The following POMGNT1 variants were observed in gnomAD, a reference collection of about 807,000 sequenced individuals.
POMGNT1 encodes protein O-linked mannose N-acetylglucosaminyltransferase 1 (beta 1,2-).
In POMGNT1, 67 loss-of-function variants were observed where a neutral mutation model predicts 95.6. The ratio of observed to expected loss-of-function variants is 0.70; its 90% CI spans 0.58 to 0.86. The LOEUF is 0.86. Among genes scored for constraint, POMGNT1 ranks in the 40% least tolerant of loss-of-function variants. The pLI is 0.00. For synonymous variants in POMGNT1, 298 were observed against 317.9 expected, an observed-to-expected ratio of 0.94 and a Z score of 0.66; for missense variants, 719 against 855.2, an observed-to-expected ratio of 0.84 and a Z score of 1.99.
intron 6 of POMGNT1, 58 bp from the exon 7 acceptor site, chr1:46,195,019 C>T: frequency 1.3e-6 from 2 of 1,503,140 alleles, no homozygotes; most frequent in Non-Finnish European, 1.9e-6. Context: ...GACCTGGCCT[C>T]ACAGAGCACG....
At chr1:46,195,768 G>C in intron 6 of POMGNT1, 43 bp downstream of exon 6, 3 of 1,523,830 alleles carry the variant, frequency 2.0e-6, no homozygotes, top group Non-Finnish European at 2.7e-6. Flanking sequence ...AAGCAGGGTT[G>C]GAGCTAGGGA....
At position 46,196,891 on chromosome 1, in the gene POMGNT1, A is replaced by G. The variant is rs1320880955; in HGVS notation, c.236-42T>C. On this transcript the variant is annotated intron_variant, in intron 3 of 21. Coordinates refer to ENST00000371984, the MANE Select transcript of POMGNT1 (RefSeq NM_017739.4). The surrounding 1 kb of genome is among the most constrained non-coding windows in gnomAD (Gnocchi z 4.4). ...GTCATGGAGATAGTCTCCTCAGCAGAGTCTCACCGCTTAGGGTCTGCCTGC... is the reference window on the plus strand; with the variant it reads ...GTCATGGAGATAGTCTCCTCAGCAGGGTCTCACCGCTTAGGGTCTGCCTGC... 1.9e-6 allele frequency: 3 copies of G among 1,614,146 alleles called. No homozygotes were observed. Among genetic ancestry groups the G allele is most frequent in the Admixed American group, 1.7e-5 (1 of 60,024 alleles).
At position 46,197,766 on chromosome 1, in the gene POMGNT1, C is replaced by A; in HGVS notation, c.56G>T (p.Arg19Leu). The change falls in exon 2 of 22, where the codon CGG (arginine) becomes CTG (leucine). Residue 19 changes from arginine (R) to leucine (L), a missense_variant. Physicochemically the swap from Arg to Leu is moderately radical, Grantham distance 102. Coordinates refer to ENST00000371984, the MANE Select transcript of POMGNT1 (RefSeq NM_017739.4). Reference sequence around the variant, plus strand: ...ATACTTCCAGGTAAGGTACCAGCTCCGCTTCTTCCGAGCCCCAAAGGGCTT... The same window carrying A: ...ATACTTCCAGGTAAGGTACCAGCTCAGCTTCTTCCGAGCCCCAAAGGGCTT... Reference protein sequence around the residue: ...LIKPFGARKKRSWYLTWKYKL... With the variant: ...LIKPFGARKKLSWYLTWKYKL... 6.2e-7 allele frequency: 1 copy of A among 1,614,136 alleles called. No individual in the cohort carries two copies. Among genetic ancestry groups the A allele is most frequent in the African/African-American group, 1.3e-5 (1 of 75,030 alleles).
chr1:46,193,738 G>C, intron 10 of POMGNT1, 99 bp from the exon 11 acceptor site: 1 of 1,599,892 alleles, frequency 6.3e-7, no homozygotes, highest in Non-Finnish European at 8.5e-7. Flanking sequence ...CTTACCCACA[G>C]AGGTGAATGC....
chr1:46,207,928 C>T (rs1209226403), intron 1 of POMGNT1, among the ~76,000 whole-genome samples: 3 of 149,862 alleles, frequency 2.0e-5, no homozygotes, highest in Non-Finnish European at 4.4e-5. Context: ...AGTGCAATGG[C>T]GTGATCTCGG....
Position 46,189,885 on chromosome 1 carries a change from T to A in POMGNT1, c.1754A>T (p.Asp585Val), listed in dbSNP as rs1410679493. The A allele has an allele frequency of 6.2e-7, 1 of 1,613,968 alleles. No individual in the cohort carries two copies. The highest frequency in any genetic ancestry group is 1.7e-5 in the Admixed American group (1 of 60,014). Residue 585 changes from aspartate to valine, a missense_variant, in exon 20 of 22, where the codon GAT becomes GTT. By Grantham distance (152) the Asp-to-Val change is radical. Around this residue, in one of 5 missense-constraint regions of POMGNT1, gnomAD observed 130 missense variants for 149.2 expected, o/e 0.87. Coordinates refer to ENST00000371984, the MANE Select transcript of POMGNT1 (RefSeq NM_017739.4). Reference sequence around the variant, plus strand: ...AAGCTGGGTCCAGGTGGTGAAGTCATCATCTTTCTCCATTCGAATAAAGGC... The same window carrying A: ...AAGCTGGGTCCAGGTGGTGAAGTCAACATCTTTCTCCATTCGAATAAAGGC... ...YVAFIRMEKD[D>V]DFTTWTQLAK... is the part of the protein sequence containing the mutation.
At chr1:46,219,565 C>T in intron 1 of POMGNT1, 3 of 939,590 alleles carry the variant, frequency 3.2e-6, no homozygotes, top group Non-Finnish European at 4.7e-6. Context: ...CTGAAGCCTA[C>T]ACTGCAAGCC....
chr1:46,193,241 C>G (rs1314809697), intron 12 of POMGNT1, 26 bp from the exon 13 acceptor site: 3 of 1,614,136 alleles, frequency 1.9e-6, no homozygotes, highest in Non-Finnish European at 2.5e-6. Context: ...GAATAGGGCA[C>G]ATGAGCTTTA....
At chr1:46,212,681 A>G (rs1571688211) in intron 1 of POMGNT1, among the ~76,000 whole-genome samples, 1 of 152,172 alleles carries the variant, frequency 6.6e-6, no homozygotes. Flanking sequence ...GGTTCAAGTG[A>G]TTCTCCTGCC....
At chr1:46,210,264 CTGTGTG>C (rs558204802) in intron 1 of POMGNT1, among the ~76,000 whole-genome samples, 1 of 152,006 alleles carries the variant, frequency 6.6e-6, no homozygotes, top group Non-Finnish European at 1.5e-5. Flanking sequence ...AAACCCTAAA[CTGTGTG>C]TGTGTGTTTT....
At chr1:46,198,874 T>TC (rs1354848015), upstream of POMGNT1, among the ~76,000 whole-genome samples, 1 of 152,202 alleles carries the variant, frequency 6.6e-6, no homozygotes, top group Non-Finnish European at 1.5e-5. Context: ...CTGTCACTGT[T>TC]CTAAGCACCT....
chr1:46,214,561 AAG>A (rs1340133546), intron 1 of POMGNT1, among the ~76,000 whole-genome samples: 1 of 152,090 alleles, frequency 6.6e-6, no homozygotes, highest in Non-Finnish European at 1.5e-5. Flanking sequence ...GAAAAGAAAA[AAG>A]AAAAACCAAA....
intron 1 of POMGNT1, among the ~76,000 whole-genome samples, chr1:46,216,661 G>A (rs1177002183): frequency 1.3e-5 from 2 of 152,012 alleles, no homozygotes; most frequent in Admixed American, 6.6e-5. Context: ...TTTTAGATTC[G>A]GAGGGGGGTA....
upstream of POMGNT1, chr1:46,203,226 A>G (rs1658601812): frequency 7.7e-6 from 3 of 391,758 alleles, no homozygotes; most frequent in Non-Finnish European, 4.5e-6. Flanking sequence ...CCAGGGCCAG[A>G]GGTTGTGTGC....
Position 46,193,422 on chromosome 1 carries a change from T to C in POMGNT1, c.1027-34A>G, listed in dbSNP as rs756739436. 1.9e-6 allele frequency: 3 copies of C among 1,606,322 alleles called. No individual in the cohort carries two copies. In the East Asian group the frequency reaches 6.7e-5, roughly 36 times the overall value. ...CATGGCCACTGCTCACCATGTGAGG[T>C]CACTTTCCCTCTGCCCACCTCTGCA... is the stretch of plus-strand genomic sequence containing the variant. On this transcript the variant is annotated intron_variant, in intron 11 of 21. Transcript: ENST00000371984.
intron 1 of POMGNT1, among the ~76,000 whole-genome samples, chr1:46,214,547 C>T (rs181954601): frequency 8.4e-4 from 128 of 151,972 alleles, no homozygotes; most frequent in African/African-American, 2.8e-3. Flanking sequence ...CACATCATGG[C>T]GGGGAAAAGA....
Position 46,195,597 on chromosome 1 carries a change from T to C in POMGNT1, c.534+214A>G, listed in dbSNP as rs1571665937. The C allele has an allele frequency of 3.0e-5, 19 of 626,088 alleles. No homozygotes were observed. The East Asian group carries it at 5.4e-4, about 18-fold the overall frequency. The allele number at this position is 626,088 out of a possible 1,614,324, so 38.8% of individuals were successfully genotyped here. The stretch of plus-strand genomic sequence containing the variant: ...GGTGGGGACTCTGTCTTGTTTCCCA[T>C]TGTATCTTCAGCACCCAGAGAAGTA... On this transcript the variant is annotated intron_variant, in intron 6 of 21. Coordinates refer to ENST00000371984, the MANE Select transcript of POMGNT1 (RefSeq NM_017739.4).
chr1:46,198,044 G>C (rs1301797575), intron 1 of POMGNT1, 173 bp from the exon 2 acceptor site: 1 of 611,064 alleles, frequency 1.6e-6, no homozygotes, highest in South Asian at 2.0e-5. Flanking sequence ...CAGTGGGGTT[G>C]GATCACCTGG....
At chr1:46,218,378 C>T (rs1659129327) in intron 1 of POMGNT1, among the ~76,000 whole-genome samples, 1 of 152,078 alleles carries the variant, frequency 6.6e-6, no homozygotes, top group African/African-American at 2.4e-5. Flanking sequence ...AGAACAAGAC[C>T]CTGTCTCAAA....
Sources: allele counts gnomAD v4.1 joint callset (sites outside exome capture counted in the v4.1 genomes callset), GRCh38; gene constraint gnomAD v4.1.1; regional missense constraint gnomAD v4.1.1; non-coding constraint Gnocchi (gnomAD v3.1); transcripts MANE v1.5; gene names NCBI Gene and HGNC (gene_info 2026-07-23, HGNC 2026-07-21).